TMEM181: variants seen among roughly 807,000 people sequenced by gnomAD.
The protein encoded by TMEM181 is transmembrane protein 181.
TMEM181 carries 39 observed loss-of-function variants against 71.9 expected under a neutral mutation model. That is an observed-to-expected ratio of 0.54 (90% CI 0.42 to 0.71). TMEM181 has a LOEUF of 0.71. TMEM181 is among the 30% of genes least tolerant of loss of function. The pLI, the probability that TMEM181 is intolerant of heterozygous loss-of-function variation, is 0.00. For missense variants in TMEM181, 595 were observed against 583.0 expected, an observed-to-expected ratio of 1.02 and a Z score of -0.21; for synonymous variants, 245 against 228.8, an observed-to-expected ratio of 1.07 and a Z score of -0.64.
chr6:158,597,669 G>A (rs1784454677), intron 6 of TMEM181, among the ~76,000 whole-genome samples: 1 of 152,066 alleles, frequency 6.6e-6, no homozygotes, highest in Admixed American at 6.6e-5. Context: ...TGCCTGGCTT[G>A]GATTTTTTTA....
chr6:158,552,262 T>A (rs1474288342), intron 1 of TMEM181, among the ~76,000 whole-genome samples: 1 of 152,204 alleles, frequency 6.6e-6, no homozygotes, highest in Non-Finnish European at 1.5e-5. Flanking sequence ...CCTCCTGCAG[T>A]GTGATTGCAC....
chr6:158,605,727 T>C (rs1784913879), intron 7 of TMEM181, among the ~76,000 whole-genome samples: 1 of 152,184 alleles, frequency 6.6e-6, no homozygotes, highest in Admixed American at 6.5e-5. Context: ...GCCAGTCCTT[T>C]GCGTTTTTGG....
At chr6:158,556,217 G>C (rs781679750), upstream of TMEM181, among the ~76,000 whole-genome samples, 3 of 152,218 alleles carry the variant, frequency 2.0e-5, no homozygotes, top group Non-Finnish European at 4.4e-5. Context: ...ACCAAAAAGA[G>C]GGAGCGTGGG....
intron 5 of TMEM181, among the ~76,000 whole-genome samples, chr6:158,585,782 T>G (rs529475257): frequency 2.0e-5 from 3 of 152,310 alleles, no homozygotes; most frequent in Non-Finnish European, 2.9e-5. Flanking sequence ...ATGGGCTGCC[T>G]CCTCATACGA....
chr6:158,559,051 T>C (rs1782011663), upstream of TMEM181, among the ~76,000 whole-genome samples: 1 of 152,180 alleles, frequency 6.6e-6, no homozygotes. Flanking sequence ...TAATGAGATT[T>C]TGTGTAACTA....
At chr6:158,571,318 G>A (rs182621800) in intron 1 of TMEM181, among the ~76,000 whole-genome samples, 442 of 149,188 alleles carry the variant, frequency 3.0e-3, no homozygotes, top group Admixed American at 5.4e-3. Context: ...GGATGGTCTC[G>A]ATCTCCTGAC....
At position 158,620,856 on chromosome 6, in the gene TMEM181, C is replaced by T. The variant is rs180878604; in HGVS notation, c.897-2694C>T. Among the ~76,000 whole-genome samples, 210 of 152,114 alleles carry T rather than the reference C, an allele frequency of 1.4e-3. 1 individual carries two copies. The highest frequency in any genetic ancestry group is 4.7e-3 in the African/African-American group (197 of 41,476). ...GTAAGTGTTAAAGAGGAAAGAAACA[C>T]GAAAAGCAGCTCAACAGTGAAAAAT... On this transcript the variant is annotated intron_variant, in intron 10 of 16. Transcript: ENST00000684151. The surrounding 1 kb of genome is among the most constrained non-coding windows in gnomAD (Gnocchi z 4.5).
chr6:158,571,999 G>A (rs1444585185), intron 1 of TMEM181, among the ~76,000 whole-genome samples: 1 of 152,198 alleles, frequency 6.6e-6, no homozygotes, highest in Non-Finnish European at 1.5e-5. Flanking sequence ...GTGGGTGAGT[G>A]TTTGCACTGA....
intron 1 of TMEM181, among the ~76,000 whole-genome samples, chr6:158,565,927 C>G (rs962921247): frequency 6.6e-6 from 1 of 152,210 alleles, no homozygotes; most frequent in South Asian, 2.1e-4. Context: ...TGCTGTCTTG[C>G]GTTCTGAAAG....
intron 1 of TMEM181, among the ~76,000 whole-genome samples, chr6:158,571,332 G>C (rs1354730589): frequency 1.3e-5 from 2 of 150,038 alleles, no homozygotes; most frequent in Admixed American, 6.9e-5. Context: ...TCCTGACCTT[G>C]TGATCCGCCC....
chr6:158,561,453 C>T (rs1582942836), intron 1 of TMEM181, among the ~76,000 whole-genome samples: 2 of 152,212 alleles, frequency 1.3e-5, no homozygotes, highest in South Asian at 4.1e-4. Context: ...CTGCTTGGAA[C>T]GGTGTCTTGT....
At chr6:158,559,120 C>G (rs1374223542), upstream of TMEM181, among the ~76,000 whole-genome samples, 1 of 151,954 alleles carries the variant, frequency 6.6e-6, no homozygotes, top group Non-Finnish European at 1.5e-5. Flanking sequence ...TTTAACCCCC[C>G]TCTTCCTAAT....
chr6:158,551,214 C>G (rs1050547728), intron 1 of TMEM181, among the ~76,000 whole-genome samples: 2 of 152,104 alleles, frequency 1.3e-5, no homozygotes, highest in Non-Finnish European at 2.9e-5. Context: ...CCTGCCTCGG[C>G]CTCCCAAAGT....
At chr6:158,537,199 G>A (rs1304526408) in intron 1 of TMEM181, among the ~76,000 whole-genome samples, 1 of 151,968 alleles carries the variant, frequency 6.6e-6, no homozygotes. Flanking sequence ...TCCTCCCTGC[G>A]CCCCGCGTCG....
intron 13 of TMEM181, among the ~76,000 whole-genome samples, chr6:158,625,967 C>T (rs1490367561): frequency 6.6e-6 from 1 of 152,190 alleles, no homozygotes; most frequent in African/African-American, 2.4e-5. Context: ...GACTGGAGCA[C>T]GTTCACTTGC....
At chr6:158,557,593 C>G (rs544386474), upstream of TMEM181, among the ~76,000 whole-genome samples, 1 of 152,042 alleles carries the variant, frequency 6.6e-6, no homozygotes, top group South Asian at 2.1e-4. Flanking sequence ...TCTTGGCTCA[C>G]TGCAAGCTCC....
At chr6:158,613,779 A>G (rs538875165) in intron 10 of TMEM181, among the ~76,000 whole-genome samples, 1 of 152,350 alleles carries the variant, frequency 6.6e-6, no homozygotes, top group South Asian at 2.1e-4. Flanking sequence ...GTGGTTTAAG[A>G]ATACTTATAA....
At position 158,631,850 on chromosome 6, in the gene TMEM181, A is replaced by T; in HGVS notation, c.1390A>T (p.Ile464Phe). 6.2e-7 allele frequency: 1 copy of T among 1,600,068 alleles called. No homozygotes were observed. The highest frequency in any genetic ancestry group is 8.5e-7 in the Non-Finnish European group (1 of 1,172,986). ...EEMPLQNGQAIRAKYKEESDS... is the reference protein window; with the variant it reads ...EEMPLQNGQAFRAKYKEESDS... ...AATGCCGCTGCAGAACGGCCAGGCC[A>T]TCCGGGCCAAGTACAAGGAGGAGTC... The change falls in exon 17 of 17, where the codon ATC (isoleucine) becomes TTC (phenylalanine). Residue 464 changes from isoleucine (I) to phenylalanine (F), a missense_variant. Transcript: ENST00000684151.
intron 6 of TMEM181, among the ~76,000 whole-genome samples, chr6:158,590,691 T>C (rs1397500666): frequency 6.6e-6 from 1 of 151,822 alleles, no homozygotes; most frequent in East Asian, 1.9e-4. Flanking sequence ...CTTGATCTCC[T>C]GACCTGGTGA....
Sources: allele counts gnomAD v4.1 joint callset (sites outside exome capture counted in the v4.1 genomes callset), GRCh38; gene constraint gnomAD v4.1.1; non-coding constraint Gnocchi (gnomAD v3.1); transcripts MANE v1.5; gene names NCBI Gene and HGNC (gene_info 2026-07-23, HGNC 2026-07-21).